The following OXSR1 variants were observed in gnomAD, a reference collection of about 807,000 sequenced individuals.
OXSR1 encodes serine/threonine-protein kinase OSR1.
A neutral mutation model predicts 79.8 loss-of-function variants in OXSR1; 24 were observed. The ratio of observed to expected loss-of-function variants is 0.30; its 90% confidence interval spans 0.22 to 0.42. OXSR1 has a LOEUF of 0.42. Ranked by LOEUF, OXSR1 falls within the 10% of genes least tolerant of loss-of-function variation. The pLI is 1.00. For missense variants in OXSR1, 430 were observed against 618.4 expected (o/e 0.70, Z 3.23); for synonymous variants, 226 against 209.2 (o/e 1.08, Z -0.69).
chr3:38,249,052 C>T (rs186750577), intron 14 of OXSR1, among the ~76,000 whole-genome samples: 245 of 152,134 alleles, frequency 1.6e-3, no homozygotes, highest in Non-Finnish European at 1.8e-3. Context: ...GTAGAAAGAA[C>T]GCAATGCAAG....
intron 1 of OXSR1, among the ~76,000 whole-genome samples, chr3:38,177,383 C>T (rs1701693823): frequency 1.3e-5 from 2 of 152,198 alleles, no homozygotes; most frequent in African/African-American, 4.8e-5. Flanking sequence ...CTGTCTTACA[C>T]ACATAACAAA....
chr3:38,185,928 C>G (rs995129790), intron 2 of OXSR1, among the ~76,000 whole-genome samples: 1 of 110,392 alleles, frequency 9.1e-6, no homozygotes, highest in Non-Finnish European at 1.6e-5. Context: ...CTGGGTGACA[C>G]AGAGTGAGGC....
At position 38,252,316 on chromosome 3, in the gene OXSR1, G is replaced by T; in HGVS notation, c.1445-12G>T. 6.3e-7 allele frequency: 1 copy of T among 1,585,980 alleles called. No individual in the cohort carries two copies. Among genetic ancestry groups the T allele is most frequent in the Non-Finnish European group, 8.7e-7 (1 of 1,154,510 alleles). On this transcript the variant is annotated splice_polypyrimidine_tract_variant and intron_variant, in intron 16 of 17. Coordinates refer to ENST00000311806, the MANE Select transcript of OXSR1 (RefSeq NM_005109.3). ...TTCTCATTCATTACCTTCTCTGTTT[G>T]TATGATTACAGTGGCAGCTAATTTG...
At chr3:38,251,555 T>G in intron 16 of OXSR1, 84 bp downstream of exon 16, 1 of 984,234 alleles carries the variant, frequency 1.0e-6, no homozygotes. Flanking sequence ...TTTATTCCAC[T>G]GAGTAGGTCT....
At chr3:38,185,700 T>C (rs185060033) in intron 2 of OXSR1, among the ~76,000 whole-genome samples, 1 of 152,044 alleles carries the variant, frequency 6.6e-6, no homozygotes, top group East Asian at 1.9e-4. Context: ...CCCACCACTT[T>C]GGGAGGCTGA....
chr3:38,182,951 A>T lies in OXSR1; in HGVS notation c.71-52A>T, dbSNP rs772539597. 263 of 953,188 alleles carry T rather than the reference A, an allele frequency of 2.8e-4. 3 individuals carry two copies. The highest frequency in any genetic ancestry group is 9.8e-4 in the South Asian group (70 of 71,462). 59.0% of individuals were successfully genotyped at this position (953,188 alleles called of 1,614,324 possible). On this transcript the variant is annotated intron_variant, in intron 1 of 17. Transcript: ENST00000311806. ...AAATTGTATGGGAATTAGAAATGTCATGTTTTTATATATCCATCTACTTAT... is the reference window on the plus strand; with the variant it reads ...AAATTGTATGGGAATTAGAAATGTCTTGTTTTTATATATCCATCTACTTAT...
rs780215814 is a variant in OXSR1 at position 38,165,880 on chromosome 3, T to C, written c.4T>C (p.Ser2Pro). 2 of 1,610,738 alleles carry C rather than the reference T, an allele frequency of 1.2e-6. No homozygotes were observed. Among genetic ancestry groups the C allele is most frequent in the Admixed American group, 3.3e-5 (2 of 59,852 alleles). Residue 2 changes from serine to proline, a missense_variant, in exon 1 of 18, where the codon TCC (serine) becomes CCC (proline). Ser to Pro is a moderately conservative substitution (Grantham distance 74). This residue lies in a region of OXSR1 where 145 missense variants were observed against 228.3 expected (regional missense o/e 0.64). Coordinates refer to ENST00000311806, the MANE Select transcript of OXSR1 (RefSeq NM_005109.3). Reference protein sequence around the residue: MSEDSSALPWSI... With the variant: MPEDSSALPWSI... ...ACCGCGAGCCGCTGCCGCCGTCATG[T>C]CCGAGGACTCGAGCGCCCTGCCCTG...
intron 2 of OXSR1, 62 bp from the exon 3 acceptor site, chr3:38,190,669 A>G: frequency 2.2e-6 from 2 of 926,970 alleles, no homozygotes; most frequent in East Asian, 2.5e-5. Flanking sequence ...TGGATTTGCT[A>G]ACTCACAACA....
At chr3:38,195,038 T>C (rs1192791997) in intron 3 of OXSR1, among the ~76,000 whole-genome samples, 1 of 152,244 alleles carries the variant, frequency 6.6e-6, no homozygotes, top group African/African-American at 2.4e-5. Context: ...ATAACTGTAA[T>C]ATTCCTATCT....
chr3:38,202,647 A>T (rs1365922242), intron 4 of OXSR1, among the ~76,000 whole-genome samples: 2 of 152,382 alleles, frequency 1.3e-5, no homozygotes, highest in East Asian at 3.9e-4. Context: ...TACAAATTAG[A>T]TATAGAGATG....
intron 4 of OXSR1, among the ~76,000 whole-genome samples, chr3:38,213,558 A>T (rs566794873): frequency 1.3e-5 from 2 of 152,330 alleles, no homozygotes; most frequent in African/African-American, 4.8e-5. Flanking sequence ...TAAACTGTGG[A>T]CTTTATCTAA....
intron 11 of OXSR1, among the ~76,000 whole-genome samples, chr3:38,242,239 T>G (rs1398432520): frequency 6.6e-6 from 1 of 152,178 alleles, no homozygotes; most frequent in Non-Finnish European, 1.5e-5. Context: ...AGATACCAGA[T>G]TCCCAAATAT....
rs1559532904 is a variant in OXSR1, at chr3:38,254,922, T to G, written c.*2031T>G. Reference sequence around the variant, plus strand: ...CATGGCAAATAGAATTGGGCTGGGGTTTCTCCTTCTTTTCAGTTCATTGTT... The same window carrying G: ...CATGGCAAATAGAATTGGGCTGGGGGTTCTCCTTCTTTTCAGTTCATTGTT... On this transcript the variant is annotated 3_prime_UTR_variant, in exon 18 of 18. Transcript: ENST00000311806. The G allele has an allele frequency of 6.6e-6, 1 of 152,564 alleles. No individual in the cohort carries two copies. Among genetic ancestry groups the G allele is most frequent in the Non-Finnish European group, 1.5e-5 (1 of 68,064 alleles). The allele number at this position is 152,564 out of a possible 1,614,324, so 9.5% of individuals were successfully genotyped here.
At chr3:38,237,676 A>C (rs1477067109) in intron 11 of OXSR1, among the ~76,000 whole-genome samples, 1 of 152,162 alleles carries the variant, frequency 6.6e-6, no homozygotes, top group East Asian at 1.9e-4. Flanking sequence ...TTGTTTATCT[A>C]ATGAGGTATT....
Position 38,253,950 on chromosome 3 carries a change from G to A in OXSR1, c.*1059G>A, listed in dbSNP as rs1393236880. ...GATGGAAAGTGAAACCACATGTGCCGTGACCTTTAGGTTTTATGAGTAGAC... is the reference window on the plus strand; with the variant it reads ...GATGGAAAGTGAAACCACATGTGCCATGACCTTTAGGTTTTATGAGTAGAC... On this transcript the variant is annotated 3_prime_UTR_variant, in exon 18 of 18. Transcript: ENST00000311806. The A allele has an allele frequency of 5.6e-6, 2 of 359,302 alleles. No individual in the cohort carries two copies. Among genetic ancestry groups the A allele is most frequent in the Admixed American group, 4.7e-5 (1 of 21,416 alleles). 22.3% of individuals were successfully genotyped at this position (359,302 alleles called of 1,614,324 possible). A position where few individuals can be genotyped will look rare whatever the true frequency, so the allele number is the denominator to read the frequency against.
upstream of OXSR1, among the ~76,000 whole-genome samples, chr3:38,164,150 G>C (rs1245825520): frequency 1.3e-5 from 2 of 152,140 alleles, no homozygotes; most frequent in African/African-American, 4.8e-5. Flanking sequence ...CTCCGTCTCA[G>C]CTGGGCCTAG....
intron 10 of OXSR1, among the ~76,000 whole-genome samples, chr3:38,231,559 C>T (rs1702807547): frequency 6.6e-6 from 1 of 152,138 alleles, no homozygotes; most frequent in Non-Finnish European, 1.5e-5. Flanking sequence ...TATCCCTTTA[C>T]CCTACTTATC....
intron 1 of OXSR1, among the ~76,000 whole-genome samples, chr3:38,179,808 C>A (rs981644115): frequency 6.9e-6 from 1 of 144,752 alleles, no homozygotes; most frequent in Non-Finnish European, 1.5e-5. Context: ...TGGAAATAAT[C>A]TTTTTTTTTT....
chr3:38,171,290 C>T (rs572244651), intron 1 of OXSR1, among the ~76,000 whole-genome samples: 2 of 152,254 alleles, frequency 1.3e-5, no homozygotes, highest in Non-Finnish European at 2.9e-5. Context: ...ATGTTTGTTA[C>T]ATAGTATTTT....
Sources: allele counts gnomAD v4.1 joint callset (sites outside exome capture counted in the v4.1 genomes callset), GRCh38; gene constraint gnomAD v4.1.1; regional missense constraint gnomAD v4.1.1; transcripts MANE v1.5; gene names NCBI Gene and HGNC (gene_info 2026-07-23, HGNC 2026-07-21).